Variants in STAG1 observed in about 807,000 individuals in gnomAD.
STAG1 encodes the protein STAG1 cohesin complex component, also known as cohesin subunit SA-1.
Under a neutral mutation model 170.9 loss-of-function variants are expected in STAG1, and 26 were observed. The ratio of observed to expected loss-of-function variants is 0.15; its 90% CI spans 0.11 to 0.21. The LOEUF is 0.21. STAG1 is among the 10% of genes least tolerant of loss of function. The probability of loss-of-function intolerance (pLI) is 1.00; values close to 1 mark genes in which losing one functional copy is unlikely to be tolerated. For missense variants in STAG1, 964 were observed against 1,509.5 expected (o/e 0.64, Z 5.99); for synonymous variants, 514 against 497.7 (o/e 1.03, Z -0.44).
intron 27 of STAG1, among the ~76,000 whole-genome samples, chr3:136,358,488 T>C (rs906394814): frequency 3.9e-5 from 6 of 152,192 alleles, no homozygotes; most frequent in Non-Finnish European, 8.8e-5. Flanking sequence ...TACCAAGCTG[T>C]GTGAGTTTAC....
intron 1 of STAG1, among the ~76,000 whole-genome samples, chr3:136,652,551 G>A (rs1448070830): frequency 6.6e-6 from 1 of 152,100 alleles, no homozygotes; most frequent in African/African-American, 2.4e-5. Flanking sequence ...TAAAGGTTCT[G>A]GCCAATGTTA....
intron 1 of STAG1, among the ~76,000 whole-genome samples, chr3:136,633,649 A>G (rs1273830480): frequency 2.2e-5 from 3 of 138,722 alleles, no homozygotes; most frequent in African/African-American, 2.7e-5. Context: ...GCAGTGAGCT[A>G]AGATTGTGCC....
At chr3:136,751,696 C>A (rs1167186557) in intron 1 of STAG1, among the ~76,000 whole-genome samples, 1 of 152,076 alleles carries the variant, frequency 6.6e-6, no homozygotes, top group Non-Finnish European at 1.5e-5. Flanking sequence ...TCATGTGACG[C>A]CGCCGCCGCT....
chr3:136,751,809 G>GGGGGGGGCGGAGGGC (rs1491421157), intron 1 of STAG1, among the ~76,000 whole-genome samples: 8 of 54,538 alleles, frequency 1.5e-4, no homozygotes, highest in African/African-American at 7.3e-4. Context: ...GAGCCCGGGC[G>GGGGGGGGCGGAGGGC]GGGGGGGGCG....
intron 13 of STAG1, 131 bp from the exon 14 acceptor site, chr3:136,452,278 G>T (rs2088965797): frequency 4.8e-6 from 3 of 623,726 alleles, no homozygotes; most frequent in Middle Eastern, 2.9e-4. Flanking sequence ...GAGCATCAGA[G>T]ATCAGGCCAG....
At chr3:136,734,086 G>A (rs1164211639) in intron 1 of STAG1, among the ~76,000 whole-genome samples, 2 of 142,606 alleles carry the variant, frequency 1.4e-5, no homozygotes, top group East Asian at 4.0e-4. Context: ...CAGCCTGGGA[G>A]ACAGTGCGAG....
intron 29 of STAG1, among the ~76,000 whole-genome samples, chr3:136,348,342 C>T (rs1269984943): frequency 6.7e-6 from 1 of 148,282 alleles, no homozygotes; most frequent in Non-Finnish European, 1.5e-5. Flanking sequence ...ATCAGATTTT[C>T]ATGACAATTT....
Position 136,547,612 on chromosome 3 carries a change from TATTTC to T in STAG1, c.395-5422_395-5418del, listed in dbSNP as rs532636213. Among the ~76,000 whole-genome samples the T allele has an allele frequency of 7.2e-5, 11 of 152,344 alleles. No homozygotes were observed. The South Asian group carries it at 2.3e-3, about 32-fold the overall frequency. On this transcript the variant is annotated intron_variant, in intron 5 of 33. Transcript: ENST00000383202. The stretch of plus-strand genomic sequence containing the variant: ...TTTCTGTGTCTTTCTGTGGCTGGCT[TATTTC>T]ATTTAGCATAATGCCCTCCAGATTC...
intron 1 of STAG1, among the ~76,000 whole-genome samples, chr3:136,651,795 G>A (rs1030335481): frequency 4.6e-5 from 7 of 152,078 alleles, no homozygotes; most frequent in African/African-American, 1.7e-4. Flanking sequence ...CTACACCTCA[G>A]TGCCATATCT....
chr3:136,531,382 C>T (rs1034261929), intron 6 of STAG1, among the ~76,000 whole-genome samples: 5 of 151,066 alleles, frequency 3.3e-5, no homozygotes, highest in African/African-American at 1.2e-4. Context: ...ACTGGAAATA[C>T]CATTTGACCC....
Position 136,422,566 on chromosome 3 carries a change from G to A in STAG1, c.1881C>T (p.His627=), listed in dbSNP as rs568431948. Reference sequence around the variant, plus strand: ...AGGCTTCTAGAACATCTGATTCTACGTGTTTCTCCACAACAAACTTAATCT... The same window carrying A: ...AGGCTTCTAGAACATCTGATTCTACATGTTTCTCCACAACAAACTTAATCT... ...LKQIKFVVEK[H]VESDVLEACS... Residue 627 remains histidine (H), a synonymous_variant, in exon 19 of 34, where the codon CAC becomes CAT. Transcript: ENST00000383202. The A allele has an allele frequency of 8.7e-6, 14 of 1,613,918 alleles. No individual in the cohort carries two copies. The East Asian group carries it at 1.6e-4, about 18-fold the overall frequency.
chr3:136,420,962 T>C, intron 20 of STAG1, 131 bp downstream of exon 20: 1 of 516,442 alleles, frequency 1.9e-6, no homozygotes, highest in Non-Finnish European at 3.5e-6. Flanking sequence ...GTATTTTTTG[T>C]ACAGACAGGG....
intron 1 of STAG1, among the ~76,000 whole-genome samples, chr3:136,697,457 T>G (rs1942931800): frequency 6.6e-6 from 1 of 152,144 alleles, no homozygotes; most frequent in African/African-American, 2.4e-5. Context: ...ATCTTTACCC[T>G]CTAAATAATT....
chr3:136,519,315 CA>C (rs895984950), intron 7 of STAG1, among the ~76,000 whole-genome samples: 1 of 152,040 alleles, frequency 6.6e-6, no homozygotes, highest in Non-Finnish European at 1.5e-5. Context: ...ACAGAGAAGC[CA>C]AAGGTTGTGC....
At chr3:136,707,795 G>C (rs984719667) in intron 1 of STAG1, among the ~76,000 whole-genome samples, 6 of 152,136 alleles carry the variant, frequency 3.9e-5, no homozygotes, top group Non-Finnish European at 8.8e-5. Flanking sequence ...TCTCTAGAAA[G>C]CAAGAATTCA....
At chr3:136,529,781 TCAC>T (rs1407429638) in intron 6 of STAG1, among the ~76,000 whole-genome samples, 1 of 151,138 alleles carries the variant, frequency 6.6e-6, no homozygotes, top group East Asian at 1.9e-4. Context: ...CTACAGAAAA[TCAC>T]CAAACAACAA....
At chr3:136,513,536 A>G (rs1934185988) in intron 7 of STAG1, among the ~76,000 whole-genome samples, 1 of 152,170 alleles carries the variant, frequency 6.6e-6, no homozygotes, top group South Asian at 2.1e-4. Flanking sequence ...TCAGTAACAA[A>G]CAAAAAAATC....
intron 1 of STAG1, among the ~76,000 whole-genome samples, chr3:136,708,703 C>T (rs1371529339): frequency 7.9e-5 from 12 of 152,084 alleles, no homozygotes; most frequent in Non-Finnish European, 2.9e-5. Flanking sequence ...AGTTTCTAGG[C>T]TTACTATGTT....
At chr3:136,659,916 T>C (rs1941520667) in intron 1 of STAG1, among the ~76,000 whole-genome samples, 1 of 152,206 alleles carries the variant, frequency 6.6e-6, no homozygotes, top group Non-Finnish European at 1.5e-5. Flanking sequence ...TGATAGTTCA[T>C]ATCTGTAATC....
Sources: gnomAD v4.1 joint callset for allele counts (sites outside exome capture counted in the v4.1 genomes callset) on GRCh38, gnomAD v4.1.1 for gene constraint, MANE v1.5 for transcripts, NCBI Gene and HGNC (gene_info 2026-07-23, HGNC 2026-07-21) for gene names.